SUPT20H: variants seen among roughly 807,000 people sequenced by gnomAD.
SUPT20H encodes the protein transcription factor SPT20 homolog.
In SUPT20H, 82 loss-of-function variants were observed where a neutral mutation model predicts 122.8. That is an observed-to-expected ratio of 0.67 (90% confidence interval 0.56 to 0.80). The LOEUF is 0.80. SUPT20H is among the 30% of genes least tolerant of loss of function. The probability of loss-of-function intolerance (pLI) is 0.00; values close to 1 mark genes in which losing one functional copy is unlikely to be tolerated. For missense variants in SUPT20H, 831 were observed against 921.6 expected (o/e 0.90, Z 1.27); for synonymous variants, 291 against 313.0 (o/e 0.93, Z 0.74).
chr13:37,054,085 G>A (rs2068371816), intron 1 of SUPT20H, among the ~76,000 whole-genome samples: 1 of 152,154 alleles, frequency 6.6e-6, no homozygotes, highest in African/African-American at 2.4e-5. Context: ...TTGAATCTCT[G>A]AATAGACCAA....
At chr13:37,052,712 C>T (rs1486651859) in intron 1 of SUPT20H, among the ~76,000 whole-genome samples, 2 of 152,128 alleles carry the variant, frequency 1.3e-5, no homozygotes, top group Non-Finnish European at 1.5e-5. Flanking sequence ...AGCTTCTGCT[C>T]AGCAAAAGAA....
rs764647431 is a variant in SUPT20H, at chr13:37,010,534, G to A, written c.2202+18C>T. The A allele has an allele frequency of 4.4e-6, 7 of 1,601,750 alleles. No homozygotes were observed. The highest frequency in any genetic ancestry group is 6.0e-6 in the Non-Finnish European group (7 of 1,169,042). On this transcript the variant is annotated intron_variant, in intron 25 of 25. Coordinates refer to ENST00000350612, the MANE Select transcript of SUPT20H (RefSeq NM_001014286.3). ...GAGTATCTTTAAAAATGTAATCAGA[G>A]TGAAGTTGCTGGATTACTTGTATCT...
chr13:37,045,053 T>C (rs1429600148), intron 6 of SUPT20H, among the ~76,000 whole-genome samples, 194 bp downstream of exon 6: 3 of 152,248 alleles, frequency 2.0e-5, no homozygotes, highest in Middle Eastern at 3.4e-3. Context: ...AAGATAATTG[T>C]AAGAGAGATA....
intron 23 of SUPT20H, among the ~76,000 whole-genome samples, chr13:37,015,768 G>A (rs2060363816): frequency 6.6e-6 from 1 of 152,094 alleles, no homozygotes; most frequent in South Asian, 2.1e-4. Flanking sequence ...GCCGAAAGGT[G>A]GAAGATACCC....
At chr13:37,030,662 C>G (rs1404073245) in intron 12 of SUPT20H, among the ~76,000 whole-genome samples, 1 of 152,128 alleles carries the variant, frequency 6.6e-6, no homozygotes, top group African/African-American at 2.4e-5. Context: ...GAGTAGCAAC[C>G]TACAATTTAA....
intron 3 of SUPT20H, among the ~76,000 whole-genome samples, chr13:37,048,220 T>C (rs1488813767): frequency 6.6e-6 from 1 of 152,176 alleles, no homozygotes; most frequent in East Asian, 1.9e-4. Context: ...TTTATGGTTG[T>C]TCAAAATATG....
At chr13:37,054,840 GA>G (rs1298049087) in intron 1 of SUPT20H, among the ~76,000 whole-genome samples, 3 of 152,204 alleles carry the variant, frequency 2.0e-5, no homozygotes, top group African/African-American at 7.2e-5. Flanking sequence ...CCTGTTTGCA[GA>G]TGACATGATT....
chr13:37,040,475 T>A lies in SUPT20H; in HGVS notation c.514-17A>T. 2 of 1,570,552 alleles carry A rather than the reference T, an allele frequency of 1.3e-6. No homozygotes were observed. The highest frequency in any genetic ancestry group is 1.7e-6 in the Non-Finnish European group (2 of 1,164,388). Reference sequence around the variant, plus strand: ...AATTAAAGTCTAGAAGAAATAAAAATTTAAAAAACTTATTAATCTATGCAC... The same window carrying A: ...AATTAAAGTCTAGAAGAAATAAAAAATTAAAAAACTTATTAATCTATGCAC... On this transcript the variant is annotated splice_polypyrimidine_tract_variant and intron_variant, in intron 8 of 25. Transcript: ENST00000350612.
chr13:37,020,354 A>G (rs992769518), intron 21 of SUPT20H, among the ~76,000 whole-genome samples: 1 of 152,158 alleles, frequency 6.6e-6, no homozygotes, highest in South Asian at 2.1e-4. Flanking sequence ...AGTGGATGAC[A>G]TCTGTATAAT....
chr13:37,027,579 A>G (rs1204905168), intron 14 of SUPT20H, among the ~76,000 whole-genome samples: 2 of 152,176 alleles, frequency 1.3e-5, no homozygotes, highest in African/African-American at 4.8e-5. Context: ...TTTTCAAAAC[A>G]GAAAACTTAT....
At chr13:37,053,349 A>C (rs569215864) in intron 1 of SUPT20H, among the ~76,000 whole-genome samples, 1 of 152,296 alleles carries the variant, frequency 6.6e-6, no homozygotes, top group East Asian at 1.9e-4. Context: ...AGCCATAAAA[A>C]AGAATGAATT....
At chr13:37,019,480 C>CATAA in intron 21 of SUPT20H, 83 bp from the exon 22 acceptor site, 1 of 950,558 alleles carries the variant, frequency 1.1e-6, no homozygotes, top group Non-Finnish European at 1.5e-6. Flanking sequence ...TATATAAGTA[C>CATAA]AATAATTTTA....
intron 1 of SUPT20H, 64 bp from the exon 2 acceptor site, chr13:37,051,647 A>G (rs912202335): frequency 5.9e-6 from 3 of 506,386 alleles, no homozygotes; most frequent in Non-Finnish European, 1.1e-5. Context: ...AAAAAAAGAG[A>G]TTACATATTT....
At chr13:37,024,968 G>C (rs1181221580) in intron 17 of SUPT20H, 1 of 219,230 alleles carries the variant, frequency 4.6e-6, no homozygotes, top group Non-Finnish European at 9.2e-6. Flanking sequence ...TTGAGATGGA[G>C]TCTTGCTCTG....
intron 7 of SUPT20H, among the ~76,000 whole-genome samples, chr13:37,043,289 G>C (rs1251792784): frequency 6.6e-6 from 1 of 152,160 alleles, no homozygotes; most frequent in Non-Finnish European, 1.5e-5. Flanking sequence ...AGGAGGAAAC[G>C]AGAGTTCTCA....
intron 23 of SUPT20H, chr13:37,012,548 C>CTT (rs1331286668): frequency 3.9e-6 from 1 of 259,354 alleles, no homozygotes; most frequent in Non-Finnish European, 7.2e-6. Context: ...ACGCCTAAGG[C>CTT]TTTTATAAAG....
In SUPT20H at chr13:37,040,705, A is replaced by T. The variant is rs368163696; in HGVS notation, c.397-13T>A. The T allele has an allele frequency of 3.7e-6, 6 of 1,602,086 alleles. No individual in the cohort carries two copies. The African/African-American group carries it at 8.0e-5, about 21-fold the overall frequency. ...GAAAAATATTAACCTGTTTGGGCAA[A>T]AATACGTAAACGTCATTTTTTTTTC... On this transcript the variant is annotated splice_polypyrimidine_tract_variant and intron_variant, in intron 7 of 25. Coordinates refer to ENST00000350612, the MANE Select transcript of SUPT20H (RefSeq NM_001014286.3).
chr13:37,024,291 T>C, intron 18 of SUPT20H, 49 bp downstream of exon 18: 1 of 1,521,324 alleles, frequency 6.6e-7, no homozygotes, highest in Non-Finnish European at 8.8e-7. Context: ...AGATTATGAT[T>C]ATATAATATT....
intron 12 of SUPT20H, 39 bp from the exon 13 acceptor site, chr13:37,029,875 T>A: frequency 6.8e-7 from 1 of 1,472,642 alleles, no homozygotes; most frequent in Non-Finnish European, 9.3e-7. Context: ...TAAAATAGAA[T>A]CCATATCAGA....
Sources: allele counts gnomAD v4.1 joint callset (sites outside exome capture counted in the v4.1 genomes callset), GRCh38; gene constraint gnomAD v4.1.1; transcripts MANE v1.5; gene names NCBI Gene and HGNC (gene_info 2026-07-23, HGNC 2026-07-21).